LARP1: variants seen among roughly 807,000 people sequenced by gnomAD.
LARP1 encodes La ribonucleoprotein 1, translational regulator.
In LARP1, 36 loss-of-function variants were observed where a neutral mutation model predicts 122.7. The ratio of observed to expected loss-of-function variants is 0.29; its 90% CI spans 0.22 to 0.39. LARP1 has a LOEUF of 0.39. LARP1 is among the 10% of genes least tolerant of loss of function. The pLI, the probability that LARP1 is intolerant of heterozygous loss-of-function variation, is 1.00. For synonymous variants in LARP1, 539 were observed against 528.7 expected, an observed-to-expected ratio of 1.02 and a Z score of -0.27; for missense variants, 1,040 against 1,403.6, an observed-to-expected ratio of 0.74 and a Z score of 4.14.
intron 1 of LARP1, among the ~76,000 whole-genome samples, chr5:154,683,406 T>G (rs1363509034): frequency 1.3e-5 from 2 of 152,210 alleles, no homozygotes; most frequent in Non-Finnish European, 2.9e-5. Context: ...CATCACTCAT[T>G]TCTTGGAAAA....
At chr5:154,689,982 A>G (rs1754116066) in intron 1 of LARP1, among the ~76,000 whole-genome samples, 1 of 152,204 alleles carries the variant, frequency 6.6e-6, no homozygotes, top group Non-Finnish European at 1.5e-5. Flanking sequence ...TGGAGGTTGC[A>G]CTGAGCAGAG....
intron 1 of LARP1, among the ~76,000 whole-genome samples, chr5:154,705,000 C>A (rs1308000235): frequency 6.6e-6 from 1 of 151,798 alleles, no homozygotes; most frequent in Non-Finnish European, 1.5e-5. Context: ...CGCCTGTAAT[C>A]CCAGCTACTC....
chr5:154,786,690 T>A (rs1197018756), intron 1 of LARP1: 1 of 270,528 alleles, frequency 3.7e-6, no homozygotes, highest in Non-Finnish European at 7.7e-6. Context: ...AGTAGACACA[T>A]GGAAACCATT....
rs755010220 is a variant in LARP1 at position 154,793,670 on chromosome 5, C to T, written c.815C>T (p.Pro272Leu). The T allele has an allele frequency of 1.9e-6, 3 of 1,614,072 alleles. No individual in the cohort carries two copies. In the South Asian group the frequency reaches 3.3e-5, roughly 18 times the overall value. ...CCCAGAGAGAAACTGGCTTCACGCCCCACTCGCCCACCGGAGCCTAGACAC... is the reference window on the plus strand; with the variant it reads ...CCCAGAGAGAAACTGGCTTCACGCCTCACTCGCCCACCGGAGCCTAGACAC... ...EVPREKLASR[P>L]TRPPEPRHIP... Residue 272 changes from proline (P) to leucine (L), a missense_variant, in exon 5 of 19, where the codon CCC becomes CTC. Transcript: ENST00000518297.
intron 1 of LARP1, among the ~76,000 whole-genome samples, chr5:154,733,276 T>A (rs1020871491): frequency 1.3e-5 from 2 of 152,246 alleles, no homozygotes; most frequent in Non-Finnish European, 2.9e-5. Flanking sequence ...GACACCGTGT[T>A]GGTCTAGCAG....
intron 1 of LARP1, among the ~76,000 whole-genome samples, chr5:154,788,576 G>C (rs1273362423): frequency 6.6e-6 from 1 of 152,184 alleles, no homozygotes; most frequent in Non-Finnish European, 1.5e-5. Context: ...CTGGCCAACA[G>C]TACAGGCAAA....
At chr5:154,696,595 T>A (rs1300280746) in intron 1 of LARP1, among the ~76,000 whole-genome samples, 1 of 152,140 alleles carries the variant, frequency 6.6e-6, no homozygotes, top group Admixed American at 6.6e-5. Flanking sequence ...AAAATACTAG[T>A]CTCATTTTAC....
chr5:154,703,075 C>T (rs1301853225), intron 1 of LARP1, among the ~76,000 whole-genome samples: 4 of 140,644 alleles, frequency 2.8e-5, no homozygotes, highest in Non-Finnish European at 6.0e-5. Flanking sequence ...GAGCCAAGAT[C>T]GCACCACTGC....
At chr5:154,765,416 G>A (rs1754856481) in intron 1 of LARP1, among the ~76,000 whole-genome samples, 7 of 152,066 alleles carry the variant, frequency 4.6e-5, no homozygotes, top group Admixed American at 4.6e-4. Flanking sequence ...CCCAAGGCAG[G>A]GTCTGAGTCT....
chr5:154,692,187 C>T (rs538155241), intron 1 of LARP1, among the ~76,000 whole-genome samples: 15 of 152,360 alleles, frequency 9.8e-5, no homozygotes, highest in African/African-American at 3.1e-4. Context: ...CTATCTCCAT[C>T]TGCCCCAACA....
intron 1 of LARP1, chr5:154,757,397 G>C (rs1754052769): frequency 6.7e-6 from 1 of 149,462 alleles, no homozygotes; most frequent in African/African-American, 2.5e-5. Context: ...TAGATCGTCG[G>C]CTTGGGTGGG....
chr5:154,743,402 G>A (rs373904422), intron 1 of LARP1, among the ~76,000 whole-genome samples: 2 of 151,174 alleles, frequency 1.3e-5, no homozygotes, highest in Admixed American at 6.6e-5. Context: ...TCTGTCTCCC[G>A]GGTTCAAGCG....
chr5:154,773,253 G>A (rs1255085999), intron 1 of LARP1, among the ~76,000 whole-genome samples: 1 of 152,090 alleles, frequency 6.6e-6, no homozygotes, highest in Non-Finnish European at 1.5e-5. Flanking sequence ...TATGGCTAGG[G>A]GGGCAGGGAT....
At chr5:154,780,753 T>C (rs564062938) in intron 1 of LARP1, among the ~76,000 whole-genome samples, 131 of 152,224 alleles carry the variant, frequency 8.6e-4, no homozygotes, top group African/African-American at 3.0e-3. Context: ...GCCCTAAGAT[T>C]GGAAGGACAA....
chr5:154,721,539 A>C (rs1755870827), intron 1 of LARP1, among the ~76,000 whole-genome samples: 1 of 151,850 alleles, frequency 6.6e-6, no homozygotes, highest in Non-Finnish European at 1.5e-5. Flanking sequence ...CAGGGAAAGG[A>C]GCTGGGAAGC....
At chr5:154,813,616 T>C (rs1332896913) in intron 18 of LARP1, among the ~76,000 whole-genome samples, 1 of 152,204 alleles carries the variant, frequency 6.6e-6, no homozygotes, top group African/African-American at 2.4e-5. Context: ...CTGGGGAAGT[T>C]ACTTTTTTGT....
At chr5:154,798,904 G>A (rs1339966174) in intron 8 of LARP1, among the ~76,000 whole-genome samples, 1 of 152,060 alleles carries the variant, frequency 6.6e-6, no homozygotes, top group African/African-American at 2.4e-5. Flanking sequence ...TCGCCCTGTC[G>A]CCCAGGCTGG....
intron 1 of LARP1, among the ~76,000 whole-genome samples, chr5:154,714,520 G>A (rs942929995): frequency 3.9e-5 from 6 of 152,154 alleles, no homozygotes; most frequent in African/African-American, 9.7e-5. Context: ...ATAATACAAT[G>A]GTTAGAACAG....
At chr5:154,705,458 T>G (rs996240363) in intron 1 of LARP1, among the ~76,000 whole-genome samples, 5 of 152,046 alleles carry the variant, frequency 3.3e-5, no homozygotes, top group Admixed American at 1.3e-4. Flanking sequence ...CTGCAACCTC[T>G]GCCTCCCAGG....
Sources: gnomAD v4.1 joint callset for allele counts (sites outside exome capture counted in the v4.1 genomes callset) on GRCh38, gnomAD v4.1.1 for gene constraint, MANE v1.5 for transcripts, NCBI Gene and HGNC (gene_info 2026-07-23, HGNC 2026-07-21) for gene names.